The following GOLGB1 variants were observed in gnomAD, a reference collection of about 807,000 sequenced individuals.
The protein encoded by GOLGB1 is golgin subfamily B member 1.
A neutral mutation model predicts 336.9 loss-of-function variants in GOLGB1; 174 were observed. The observed-to-expected ratio is 0.52, with a 90% CI of 0.46 to 0.59. The LOEUF (loss-of-function observed/expected upper bound fraction) is 0.59, where lower values mean the gene tolerates loss of function less well. GOLGB1 is among the 20% of genes least tolerant of loss of function. The pLI, the probability that GOLGB1 is intolerant of heterozygous loss-of-function variation, is 0.00. For synonymous variants in GOLGB1, 1,208 were observed against 1,289.2 expected, an observed-to-expected ratio of 0.94 and a Z score of 1.35; for missense variants, 3,331 against 3,645.3, an observed-to-expected ratio of 0.91 and a Z score of 2.22.
In GOLGB1 at chr3:121,730,988, G is replaced by A. The variant is rs766444411; in HGVS notation, c.-2-15C>T. The A allele has an allele frequency of 1.2e-6, 2 of 1,605,530 alleles. No individual in the cohort carries two copies. Among genetic ancestry groups the A allele is most frequent in the Admixed American group, 3.4e-5 (2 of 58,264 alleles). ...GCTCAGCATTTCTGTAGGAAAAGAA[G>A]GGGGGAAAAAACCTAAGAATCAGCA... is the stretch of plus-strand genomic sequence containing the variant. On this transcript the variant is annotated splice_polypyrimidine_tract_variant and intron_variant, in intron 1 of 21. Transcript: ENST00000614479.
At chr3:121,740,593 C>T (rs1036917642) in intron 1 of GOLGB1, among the ~76,000 whole-genome samples, 2 of 152,120 alleles carry the variant, frequency 1.3e-5, no homozygotes, top group African/African-American at 4.8e-5. Context: ...AAAGGATACA[C>T]CAGACTTCTG....
At position 121,724,399 on chromosome 3, in the gene GOLGB1, G is replaced by T. The variant is rs72626327; in HGVS notation, c.532-2021C>A. Among the ~76,000 whole-genome samples, 3,392 of 152,236 alleles carry T rather than the reference G, an allele frequency of 0.022. 474 individuals are homozygous for T. The East Asian group carries it at 0.4, about 18-fold the overall frequency. ...CTATAAATTAGCAATGAACTTGGCT[G>T]AACTTGTCCAGTTTTTGTATGGCCA... On this transcript the variant is annotated intron_variant, in intron 5 of 21. Transcript: ENST00000614479.
chr3:121,724,356 G>A (rs1365277177), intron 5 of GOLGB1, among the ~76,000 whole-genome samples: 2 of 152,174 alleles, frequency 1.3e-5, no homozygotes, highest in Non-Finnish European at 2.9e-5. Flanking sequence ...TCAGAAACTA[G>A]AGTAAAGCCC....
At chr3:121,747,676 G>T (rs1947463979) in intron 1 of GOLGB1, among the ~76,000 whole-genome samples, 1 of 151,830 alleles carries the variant, frequency 6.6e-6, no homozygotes. Flanking sequence ...ACAGAAGGGG[G>T]TATATATTAT....
chr3:121,747,460 T>C (rs1255958032), intron 1 of GOLGB1, among the ~76,000 whole-genome samples: 2 of 149,294 alleles, frequency 1.3e-5, no homozygotes, highest in Non-Finnish European at 3.0e-5. Flanking sequence ...AACAAAACAC[T>C]ACAGCAGTGT....
chr3:121,675,652 A>T (rs1344386606), intron 17 of GOLGB1, among the ~76,000 whole-genome samples: 1 of 152,220 alleles, frequency 6.6e-6, no homozygotes, highest in African/African-American at 2.4e-5. Context: ...GTATGTTCTG[A>T]TTCTAGATCT....
intron 11 of GOLGB1, 41 bp from the exon 12 acceptor site, chr3:121,699,926 G>C (rs1238773750): frequency 2.5e-6 from 3 of 1,177,830 alleles, no homozygotes; most frequent in Non-Finnish European, 3.7e-6. Context: ...GATATATGTG[G>C]AGTGTGTGAA....
chr3:121,678,905 C>T (rs1940738485), intron 15 of GOLGB1, among the ~76,000 whole-genome samples: 1 of 151,930 alleles, frequency 6.6e-6, no homozygotes, highest in African/African-American at 2.4e-5. Flanking sequence ...CAGTAACAAC[C>T]TCCCAAAAAT....
At chr3:121,724,632 G>C (rs560293263) in intron 5 of GOLGB1, among the ~76,000 whole-genome samples, 1 of 152,202 alleles carries the variant, frequency 6.6e-6, no homozygotes, top group East Asian at 1.9e-4. Flanking sequence ...TTCAGGATGG[G>C]AATCCAAGAA....
chr3:121,696,223 T>C lies in GOLGB1; in HGVS notation c.4300A>G (p.Ile1434Val). ...TTAATTAAATCTTCTTGTTCTATTATCTCTGTCTGTATTTTAGTGAGAGCT... is the reference window on the plus strand; with the variant it reads ...TTAATTAAATCTTCTTGTTCTATTACCTCTGTCTGTATTTTAGTGAGAGCT... ...EAALTKIQTEIIEQEDLIKAL... is the reference protein window; with the variant it reads ...EAALTKIQTEVIEQEDLIKAL... The change falls in exon 13 of 22, where the codon ATA becomes GTA. Residue 1434 changes from isoleucine (I) to valine (V), a missense_variant. Ile to Val is a conservative substitution (Grantham distance 29). Coordinates refer to ENST00000614479, the MANE Select transcript of GOLGB1 (RefSeq NM_001366282.2). 10 of 1,614,076 alleles carry C rather than the reference T, an allele frequency of 6.2e-6. No individual in the cohort carries two copies. The highest frequency in any genetic ancestry group is 8.5e-6 in the Non-Finnish European group (10 of 1,179,938).
intron 9 of GOLGB1, 56 bp from the exon 10 acceptor site, chr3:121,715,032 A>G: frequency 1.1e-6 from 1 of 937,978 alleles, no homozygotes; most frequent in Non-Finnish European, 1.7e-6. Context: ...AAATGTAGTT[A>G]TTATTATCTT....
chr3:121,693,276 C>G (rs1041259047), intron 13 of GOLGB1, among the ~76,000 whole-genome samples: 1 of 152,148 alleles, frequency 6.6e-6, no homozygotes, highest in Non-Finnish European at 1.5e-5. Context: ...CACCTGAGGT[C>G]AGGAGTTCGA....
At position 121,716,996 on chromosome 3, in the gene GOLGB1, C is replaced by A. The variant is rs1944835083; in HGVS notation, c.1029G>T (p.Leu343=). Residue 343 remains leucine, a synonymous_variant, in exon 9 of 22, where the codon CTG becomes CTT. Coordinates refer to ENST00000614479, the MANE Select transcript of GOLGB1 (RefSeq NM_001366282.2). ...VAERKLSFHN[L]QEEMHHLLEQ... is the part of the protein sequence containing the mutation. ...CTAAAAGATGATGCATTTCTTCCTG[C>A]AGATTATGGAAGGATAATTTTCTCT... 3.7e-6 allele frequency: 6 copies of A among 1,614,062 alleles called. No individual in the cohort carries two copies. Among genetic ancestry groups the A allele is most frequent in the African/African-American group, 1.3e-5 (1 of 75,034 alleles).
rs369383191 is a variant in GOLGB1, at chr3:121,730,961, C to T, written c.11G>A (p.Arg4Gln). 1.1e-5 allele frequency: 17 copies of T among 1,611,832 alleles called. No homozygotes were observed. Among genetic ancestry groups the T allele is most frequent in the Admixed American group, 3.4e-5 (2 of 59,542 alleles). Residue 4 changes from arginine to glutamine, a missense_variant, in exon 2 of 22, where the codon CGA (arginine) becomes CAA (glutamine). By Grantham distance (43) the Arg-to-Gln change is conservative. Coordinates refer to ENST00000614479, the MANE Select transcript of GOLGB1 (RefSeq NM_001366282.2). MLS[R>Q]LSGLANVVLH... ...AACAACATTTGCTAATCCTGATAATCGGCTCAGCATTTCTGTAGGAAAAGA... is the reference window on the plus strand; with the variant it reads ...AACAACATTTGCTAATCCTGATAATTGGCTCAGCATTTCTGTAGGAAAAGA...
intron 4 of GOLGB1, among the ~76,000 whole-genome samples, chr3:121,728,156 AG>A (rs1422015835): frequency 6.6e-6 from 1 of 152,208 alleles, no homozygotes; most frequent in Admixed American, 6.5e-5. Flanking sequence ...AGAAGGATCA[AG>A]GTGAAATTAT....
Position 121,695,767 on chromosome 3 carries a change from C to T in GOLGB1, c.4756G>A (p.Glu1586Lys). 1 of 1,612,764 alleles carries T rather than the reference C, an allele frequency of 6.2e-7. No individual in the cohort carries two copies. Among genetic ancestry groups the T allele is most frequent in the African/African-American group, 1.3e-5 (1 of 75,016 alleles). The change falls in exon 13 of 22, where the codon GAA (glutamate) becomes AAA (lysine). Residue 1586 changes from glutamate (E) to lysine (K), a missense_variant. By Grantham distance (56) the Glu-to-Lys change is moderately conservative. Transcript: ENST00000614479. The part of the protein sequence containing the change: ...SLKLALEGLT[E>K]DKEKLVKEIE... ...TCCTTCACTAACTTTTCCTTGTCTT[C>T]AGTAAGACCCTCTAGAGCTAGTTTT...
At chr3:121,699,161 A>G (rs994351372) in intron 12 of GOLGB1, among the ~76,000 whole-genome samples, 2 of 152,124 alleles carry the variant, frequency 1.3e-5, no homozygotes, top group South Asian at 4.1e-4. Context: ...CATAAGACCT[A>G]AGGAAATTGG....
rs756134094 is a variant in GOLGB1, at chr3:121,692,574, G to A, written c.6790C>T (p.His2264Tyr). ...TTGGACTCCCAAATCTGCTTGTCAT[G>A]TTCAAGCCTGAAACAGAGAGAAGGT... is the stretch of plus-strand genomic sequence containing the variant. ...ELKINISRLE[H>Y]DKQIWESKAQ... The change falls in exon 14 of 22, where the codon CAT becomes TAT. Residue 2264 changes from histidine (H) to tyrosine (Y), a missense_variant. His to Tyr is a moderately conservative substitution (Grantham distance 83). Coordinates refer to ENST00000614479, the MANE Select transcript of GOLGB1 (RefSeq NM_001366282.2). The A allele has an allele frequency of 6.4e-7, 1 of 1,561,660 alleles. No homozygotes were observed. The highest frequency in any genetic ancestry group is 8.6e-7 in the Non-Finnish European group (1 of 1,158,128).
At chr3:121,727,752 A>T (rs2108266153) in intron 4 of GOLGB1, among the ~76,000 whole-genome samples, 1 of 152,128 alleles carries the variant, frequency 6.6e-6, no homozygotes, top group Middle Eastern at 3.4e-3. Context: ...CCCCTAAACA[A>T]AGCTATTTCT....
Sources: gnomAD v4.1 joint callset for allele counts (sites outside exome capture counted in the v4.1 genomes callset) on GRCh38, gnomAD v4.1.1 for gene constraint, MANE v1.5 for transcripts, NCBI Gene and HGNC (gene_info 2026-07-23, HGNC 2026-07-21) for gene names.